Variants in ADAM9 observed in about 807,000 individuals in gnomAD.
ADAM9 encodes disintegrin and metalloproteinase domain-containing protein 9.
In ADAM9, 54 loss-of-function variants were observed where a neutral mutation model predicts 108.1. The observed-to-expected ratio is 0.50, with a 90% CI of 0.40 to 0.63. ADAM9 has a LOEUF of 0.63. Among genes scored for constraint, ADAM9 ranks in the 20% least tolerant of loss-of-function variants. The pLI is 0.00. For missense variants in ADAM9, 830 were observed against 997.7 expected (o/e 0.83, Z 2.26); for synonymous variants, 316 against 336.0 (o/e 0.94, Z 0.65).
intron 12 of ADAM9, among the ~76,000 whole-genome samples, chr8:39,042,901 A>G (rs1354216602): frequency 6.6e-6 from 1 of 152,172 alleles, no homozygotes; most frequent in East Asian, 1.9e-4. Flanking sequence ...GTATCTGTTG[A>G]TCGGCAGCTC....
intron 2 of ADAM9, among the ~76,000 whole-genome samples, chr8:39,009,964 A>AACCAAACCC (rs1554572507): frequency 1.9e-5 from 2 of 106,528 alleles, no homozygotes; most frequent in Non-Finnish European, 3.7e-5. Context: ...ACAAAAACAA[A>AACCAAACCC]CCCCCCCCCC....
intron 12 of ADAM9, among the ~76,000 whole-genome samples, chr8:39,045,318 CTATACA>C (rs1837673672): frequency 7.0e-6 from 1 of 143,382 alleles, no homozygotes; most frequent in Non-Finnish European, 1.5e-5. Context: ...GTGTGTACAC[CTATACA>C]TGTGTGTGTA....
At chr8:39,029,289 A>G (rs142617925) in intron 11 of ADAM9, among the ~76,000 whole-genome samples, 158 of 152,132 alleles carry the variant, frequency 1.0e-3, no homozygotes, top group African/African-American at 3.7e-3. Flanking sequence ...CACTGATAAC[A>G]TGAGGATACT....
intron 20 of ADAM9, among the ~76,000 whole-genome samples, chr8:39,095,152 G>A (rs1839463115): frequency 6.6e-6 from 1 of 152,058 alleles, no homozygotes; most frequent in Non-Finnish European, 1.5e-5. Context: ...GGTACACATT[G>A]GGGATTGGTT....
At position 39,103,813 on chromosome 8, in the gene ADAM9, C is replaced by T. The variant is rs1839777782; in HGVS notation, c.*113C>T. On this transcript the variant is annotated 3_prime_UTR_variant, in exon 22 of 22. Transcript: ENST00000487273. ...GTTGCAACTATGAATGAAAACAAAACACCACAAAACAGACTTCACTAACAC... is the reference window on the plus strand; with the variant it reads ...GTTGCAACTATGAATGAAAACAAAATACCACAAAACAGACTTCACTAACAC... The T allele has an allele frequency of 2.0e-6, 2 of 978,872 alleles. No individual in the cohort carries two copies. The highest frequency in any genetic ancestry group is 3.2e-5 in the African/African-American group (2 of 62,608). The allele number at this position is 978,872 out of a possible 1,614,324, so 60.6% of individuals were successfully genotyped here.
chr8:39,026,611 A>G, intron 10 of ADAM9, 66 bp from the exon 11 acceptor site: 1 of 1,607,792 alleles, frequency 6.2e-7, no homozygotes, highest in Non-Finnish European at 8.5e-7. Flanking sequence ...GTGAAAAAAT[A>G]ATCTGAGCAG....
intron 1 of ADAM9, among the ~76,000 whole-genome samples, chr8:39,003,402 A>T (rs1836063428): frequency 6.6e-6 from 1 of 152,086 alleles, no homozygotes; most frequent in Non-Finnish European, 1.5e-5. Flanking sequence ...AGGTTTATAC[A>T]AATAATATTA....
At chr8:38,998,661 A>G (rs1835902243) in intron 1 of ADAM9, among the ~76,000 whole-genome samples, 1 of 152,332 alleles carries the variant, frequency 6.6e-6, no homozygotes, top group Middle Eastern at 3.4e-3. Context: ...GTTGGGGAAG[A>G]TTTTTAGAGA....
chr8:39,073,571 A>C (rs1838763415), intron 15 of ADAM9, among the ~76,000 whole-genome samples: 1 of 152,208 alleles, frequency 6.6e-6, no homozygotes, highest in African/African-American at 2.4e-5. Context: ...AAACATAATA[A>C]ATGACTATTA....
intron 15 of ADAM9, among the ~76,000 whole-genome samples, chr8:39,075,321 A>G (rs1376853015): frequency 6.6e-6 from 1 of 152,166 alleles, no homozygotes; most frequent in African/African-American, 2.4e-5. Flanking sequence ...AATATTAGTG[A>G]TACTAAGTGG....
At chr8:39,040,114 A>G (rs987864352) in intron 11 of ADAM9, among the ~76,000 whole-genome samples, 4 of 152,102 alleles carry the variant, frequency 2.6e-5, no homozygotes, top group Non-Finnish European at 4.4e-5. Context: ...CAGTGGTGCA[A>G]TCTCGGCTCA....
intron 6 of ADAM9, among the ~76,000 whole-genome samples, chr8:39,017,832 A>G (rs1456482546): frequency 3.3e-5 from 5 of 152,220 alleles, no homozygotes; most frequent in African/African-American, 7.2e-5. Flanking sequence ...GTATCAAGCA[A>G]TCCTCCTGCC....
intron 14 of ADAM9, among the ~76,000 whole-genome samples, chr8:39,068,281 AT>A (rs1487462428): frequency 1.3e-5 from 2 of 152,082 alleles, no homozygotes; most frequent in Non-Finnish European, 2.9e-5. Flanking sequence ...GAACTTTTTA[AT>A]TAGGGAAATG....
At chr8:39,045,102 G>A (rs1319822015) in intron 12 of ADAM9, among the ~76,000 whole-genome samples, 1 of 21,002 alleles carries the variant, frequency 4.8e-5, no homozygotes, top group African/African-American at 3.2e-4. Flanking sequence ...ATATGTGTGT[G>A]TGCATACATA....
intron 7 of ADAM9, among the ~76,000 whole-genome samples, chr8:39,021,360 G>A (rs564276130): frequency 2.0e-5 from 3 of 152,130 alleles, no homozygotes; most frequent in African/African-American, 7.2e-5. Context: ...TTGGCTCACT[G>A]CAACTTCCAC....
At chr8:38,999,082 A>C (rs893622857) in intron 1 of ADAM9, among the ~76,000 whole-genome samples, 4 of 152,160 alleles carry the variant, frequency 2.6e-5, no homozygotes, top group Non-Finnish European at 5.9e-5. Context: ...AATAGTGTGC[A>C]GTGAGTCAAC....
At chr8:39,095,179 T>G (rs996391480) in intron 20 of ADAM9, among the ~76,000 whole-genome samples, 21 of 152,168 alleles carry the variant, frequency 1.4e-4, no homozygotes, top group African/African-American at 4.6e-4. Context: ...CCCCTACATA[T>G]AGCCCAATCT....
intron 14 of ADAM9, among the ~76,000 whole-genome samples, chr8:39,061,939 C>G (rs1240980388): frequency 1.3e-5 from 2 of 151,584 alleles, no homozygotes; most frequent in Admixed American, 1.3e-4. Flanking sequence ...ATGGCAGACA[C>G]TTATTTCTCA....
intron 18 of ADAM9, among the ~76,000 whole-genome samples, chr8:39,088,800 A>G (rs1839256683): frequency 6.6e-6 from 1 of 152,214 alleles, no homozygotes; most frequent in Non-Finnish European, 1.5e-5. Context: ...ATAGTGCCAT[A>G]GGTTAAAATG....
Sources: allele counts gnomAD v4.1 joint callset (sites outside exome capture counted in the v4.1 genomes callset), GRCh38; gene constraint gnomAD v4.1.1; transcripts MANE v1.5; gene names NCBI Gene and HGNC (gene_info 2026-07-23, HGNC 2026-07-21).